The following DCDC2 variants were observed in gnomAD, a reference collection of about 807,000 sequenced individuals.
DCDC2 encodes the protein doublecortin domain-containing protein 2.
Under a neutral mutation model 50.2 loss-of-function variants are expected in DCDC2, and 40 were observed. That is an observed-to-expected ratio of 0.80 (90% CI 0.62 to 1.04). The LOEUF (loss-of-function observed/expected upper bound fraction) is 1.04. Among genes scored for constraint, DCDC2 ranks in the 50% least tolerant of loss-of-function variants. The pLI, the probability that DCDC2 is intolerant of heterozygous loss-of-function variation, is 0.00. For missense variants in DCDC2, 570 were observed against 581.9 expected, an observed-to-expected ratio of 0.98 and a Z score of 0.21; for synonymous variants, 234 against 210.6, an observed-to-expected ratio of 1.11 and a Z score of -0.96.
the DCDC2 span, among the ~76,000 whole-genome samples, chr6:24,377,117 C>A: frequency 1.3e-5 from 2 of 152,146 alleles, no homozygotes; most frequent in South Asian, 4.1e-4. Flanking sequence ...GGTCTTCAAC[C>A]ACAGCCAAAT....
rs1561766563 is a variant in DCDC2 at position 24,302,057 on chromosome 6, A to G, written c.349-13T>C. 1 of 1,599,502 alleles carries G rather than the reference A, an allele frequency of 6.3e-7. No individual in the cohort carries two copies. The highest frequency in any genetic ancestry group is 1.8e-5 in the Admixed American group (1 of 55,038). On this transcript the variant is annotated splice_polypyrimidine_tract_variant and intron_variant, in intron 2 of 9. Transcript: ENST00000378454. ...TTACTGGTTTTACCTTTAAAAGCAA[A>G]GGAAAAAAAATATAAACCACTAAGC... is the stretch of plus-strand genomic sequence containing the variant.
intron 8 of DCDC2, among the ~76,000 whole-genome samples, chr6:24,179,758 T>C (rs183377561): frequency 1.1e-3 from 171 of 148,808 alleles, no homozygotes; most frequent in African/African-American, 4.1e-3. Context: ...ATTGAGACCA[T>C]CCTGGCTAAC....
chr6:24,290,907 A>C, intron 5 of DCDC2, 25 bp downstream of exon 5: 2 of 1,591,598 alleles, frequency 1.3e-6, no homozygotes, highest in Non-Finnish European at 1.7e-6. Flanking sequence ...CTAAAGCATG[A>C]GGAGTGGTAA....
chr6:24,178,280 C>A (rs1300479863), intron 9 of DCDC2, 50 bp downstream of exon 9: 2 of 1,544,284 alleles, frequency 1.3e-6, no homozygotes, highest in African/African-American at 1.4e-5. Flanking sequence ...CGCATGTACA[C>A]ACACACATAT....
chr6:24,378,492 G>A, the DCDC2 span, among the ~76,000 whole-genome samples: 1 of 152,188 alleles, frequency 6.6e-6, no homozygotes, highest in East Asian at 1.9e-4. Context: ...CTTTAGGTCA[G>A]ACTAATTTGG....
chr6:24,382,060 C>T, the DCDC2 span, among the ~76,000 whole-genome samples: 2 of 152,012 alleles, frequency 1.3e-5, no homozygotes, highest in Non-Finnish European at 2.9e-5. Flanking sequence ...GGTGATTTCA[C>T]AGTCCAGCCA....
At chr6:24,330,757 T>A (rs1174786944) in intron 2 of DCDC2, among the ~76,000 whole-genome samples, 1 of 152,200 alleles carries the variant, frequency 6.6e-6, no homozygotes, top group African/African-American at 2.4e-5. Flanking sequence ...CAGGGAATGA[T>A]GTTTGAAACT....
chr6:24,302,159 T>A, intron 2 of DCDC2, 115 bp from the exon 3 acceptor site: 2 of 862,710 alleles, frequency 2.3e-6, no homozygotes, highest in Non-Finnish European at 3.5e-6. Context: ...GTGCCTTTGT[T>A]AAAACCTTGC....
chr6:24,202,448 A>G (rs939154767), intron 8 of DCDC2, among the ~76,000 whole-genome samples: 2 of 152,214 alleles, frequency 1.3e-5, no homozygotes, highest in African/African-American at 4.8e-5. Context: ...CATGCTAAAA[A>G]TTCTCAATAA....
At chr6:24,346,223 T>C (rs1034518117) in intron 2 of DCDC2, among the ~76,000 whole-genome samples, 2 of 151,670 alleles carry the variant, frequency 1.3e-5, no homozygotes, top group Admixed American at 1.3e-4. Context: ...AAAATGAACT[T>C]CCAACTTGTT....
chr6:24,254,734 C>T (rs146960923), intron 7 of DCDC2, among the ~76,000 whole-genome samples: 247 of 152,168 alleles, frequency 1.6e-3, no homozygotes, highest in African/African-American at 5.6e-3. Context: ...TAAATGGCTA[C>T]ATCAGTCAGA....
At chr6:24,208,556 G>C (rs1433978495) in intron 7 of DCDC2, among the ~76,000 whole-genome samples, 1 of 151,846 alleles carries the variant, frequency 6.6e-6, no homozygotes, top group African/African-American at 2.4e-5. Flanking sequence ...TTTTAGTAGA[G>C]ACAAGCGTTT....
At chr6:24,261,947 A>G (rs1019771429) in intron 7 of DCDC2, among the ~76,000 whole-genome samples, 9 of 152,226 alleles carry the variant, frequency 5.9e-5, no homozygotes, top group Non-Finnish European at 1.0e-4. Flanking sequence ...CCCTCCAGCA[A>G]TCACTGTCCA....
intron 2 of DCDC2, among the ~76,000 whole-genome samples, chr6:24,348,554 A>G (rs775875094): frequency 6.6e-6 from 1 of 152,122 alleles, no homozygotes; most frequent in African/African-American, 2.4e-5. Context: ...CCTCTTTTCC[A>G]TGCAAGCTGA....
At chr6:24,358,868 A>T (rs1433928166), upstream of DCDC2, among the ~76,000 whole-genome samples, 2 of 34,750 alleles carry the variant, frequency 5.8e-5, 1 homozygote, top group Middle Eastern at 0.04. Context: ...AATATATATA[A>T]TATATATGTA....
At chr6:24,335,876 C>T (rs4445044) in intron 2 of DCDC2, among the ~76,000 whole-genome samples, 46,913 of 151,696 alleles carry the variant, frequency 0.31, 8,806 homozygotes, top group African/African-American at 0.53. Context: ...CACCTCCTAC[C>T]TGGTCCCACC....
At chr6:24,256,556 G>A (rs1015527206) in intron 7 of DCDC2, among the ~76,000 whole-genome samples, 2 of 151,992 alleles carry the variant, frequency 1.3e-5, no homozygotes, top group Non-Finnish European at 2.9e-5. Flanking sequence ...TCCAAATGCT[G>A]GGTATTTCTG....
At chr6:24,339,910 C>A (rs1329754148) in intron 2 of DCDC2, among the ~76,000 whole-genome samples, 3 of 152,042 alleles carry the variant, frequency 2.0e-5, no homozygotes, top group African/African-American at 7.2e-5. Context: ...ATAGAGAGAG[C>A]AAAGGGAATT....
chr6:24,373,771 C>T, the DCDC2 span, among the ~76,000 whole-genome samples: 1 of 152,152 alleles, frequency 6.6e-6, no homozygotes, highest in African/African-American at 2.4e-5. Context: ...ACAAATATTC[C>T]TGTTACGTAT....
Sources: gnomAD v4.1 joint callset for allele counts (sites outside exome capture counted in the v4.1 genomes callset) on GRCh38, gnomAD v4.1.1 for gene constraint, MANE v1.5 for transcripts, NCBI Gene and HGNC (gene_info 2026-07-23, HGNC 2026-07-21) for gene names.